The following GLI3 variants were observed in gnomAD, a reference collection of about 807,000 sequenced individuals.
GLI3 encodes the protein transcription activator GLI3.
A neutral mutation model predicts 100.8 loss-of-function variants in GLI3; 20 were observed. The ratio of observed to expected loss-of-function variants is 0.20; its 90% CI spans 0.14 to 0.29. GLI3 has a LOEUF of 0.29. Ranked by LOEUF, GLI3 falls within the 10% of genes least tolerant of loss-of-function variation. The pLI, the probability that GLI3 is intolerant of heterozygous loss-of-function variation, is 1.00. For missense variants in GLI3, 2,040 were observed against 2,128.5 expected (o/e 0.96, Z 0.82); for synonymous variants, 938 against 860.5 (o/e 1.09, Z -1.58).
At chr7:42,215,336 T>C (rs1788355196) in intron 2 of GLI3, among the ~76,000 whole-genome samples, 2 of 152,228 alleles carry the variant, frequency 1.3e-5, no homozygotes, top group East Asian at 3.8e-4. Context: ...AACGTTTCTA[T>C]GTAAACAAGG....
intron 10 of GLI3, among the ~76,000 whole-genome samples, chr7:42,015,471 T>TA (rs962191862): frequency 4.6e-5 from 7 of 151,228 alleles, no homozygotes; most frequent in African/African-American, 9.7e-5. Flanking sequence ...CCCCAAATCT[T>TA]AAAAAAAAAG....
intron 3 of GLI3, among the ~76,000 whole-genome samples, chr7:42,122,178 T>A (rs942718300): frequency 1.4e-5 from 2 of 147,902 alleles, no homozygotes; most frequent in Non-Finnish European, 3.0e-5. Flanking sequence ...TCAGATAGCA[T>A]GCTTATATAT....
At position 41,965,318 on chromosome 7, in the gene GLI3, G is replaced by A. The variant is rs777315739; in HGVS notation, c.3755C>T (p.Pro1252Leu). The A allele has an allele frequency of 1.2e-6, 2 of 1,613,904 alleles. No individual in the cohort carries two copies. Among genetic ancestry groups the A allele is most frequent in the Non-Finnish European group, 1.7e-6 (2 of 1,179,922 alleles). Reference protein sequence around the residue: ...NAFHEQPCKAPQYGNCLNRQP... With the variant: ...NAFHEQPCKALQYGNCLNRQP... Reference sequence around the variant, plus strand: ...CCTGTTGAGACAGTTCCCATACTGCGGGGCCTTACAGGGCTGTTCATGGAA... The same window carrying A: ...CCTGTTGAGACAGTTCCCATACTGCAGGGCCTTACAGGGCTGTTCATGGAA... The change falls in exon 15 of 15, where the codon CCG becomes CTG. Residue 1252 changes from proline (P) to leucine (L), a missense_variant. Pro to Leu is a moderately conservative substitution (Grantham distance 98). Around this residue, in one of 5 missense-constraint regions of GLI3, gnomAD observed 1,041 missense variants for 924.0 expected, o/e 1.13. Transcript: ENST00000395925.
intron 2 of GLI3, among the ~76,000 whole-genome samples, chr7:42,174,743 C>T (rs750101572): frequency 5.9e-5 from 9 of 152,190 alleles, no homozygotes; most frequent in African/African-American, 7.2e-5. Flanking sequence ...CCCCCAGGGC[C>T]GCACAGAGGG....
chr7:42,122,829 A>G (rs964691113), intron 3 of GLI3, among the ~76,000 whole-genome samples: 19 of 152,236 alleles, frequency 1.2e-4, no homozygotes, highest in African/African-American at 4.6e-4. Flanking sequence ...TAGCTTTCTG[A>G]TAATCAGATT....
At chr7:42,117,327 T>C (rs1043535504) in intron 3 of GLI3, among the ~76,000 whole-genome samples, 16 of 152,226 alleles carry the variant, frequency 1.1e-4, no homozygotes, top group African/African-American at 3.6e-4. Context: ...ACCACCTAGG[T>C]GCACCCTTAT....
At chr7:42,028,363 A>C (rs1265500512) in intron 7 of GLI3, among the ~76,000 whole-genome samples, 4 of 152,324 alleles carry the variant, frequency 2.6e-5, no homozygotes, top group African/African-American at 9.6e-5. Context: ...GGGCTTAAAA[A>C]ATCAGTACTT....
intron 3 of GLI3, among the ~76,000 whole-genome samples, chr7:42,088,214 T>G (rs1785144785): frequency 6.6e-6 from 1 of 152,226 alleles, no homozygotes; most frequent in African/African-American, 2.4e-5. Context: ...AATGGTATCA[T>G]CTGAAGGAGT....
At chr7:41,984,398 C>T (rs1293912820) in intron 10 of GLI3, among the ~76,000 whole-genome samples, 2 of 152,176 alleles carry the variant, frequency 1.3e-5, no homozygotes, top group African/African-American at 4.8e-5. Context: ...TTCTGCTTTC[C>T]TTCAGTCTCC....
At chr7:41,982,471 A>C (rs950408353) in intron 10 of GLI3, among the ~76,000 whole-genome samples, 3 of 152,060 alleles carry the variant, frequency 2.0e-5, no homozygotes, top group Non-Finnish European at 2.9e-5. Flanking sequence ...TAATCCCCAT[A>C]TTTTGGGAGG....
At chr7:42,096,550 C>T (rs576741459) in intron 3 of GLI3, among the ~76,000 whole-genome samples, 9 of 152,304 alleles carry the variant, frequency 5.9e-5, no homozygotes, top group Admixed American at 4.6e-4. Flanking sequence ...GCCTGAAGGA[C>T]GCATTCAAAG....
intron 2 of GLI3, among the ~76,000 whole-genome samples, chr7:42,159,684 T>C (rs1008060385): frequency 6.6e-6 from 1 of 152,116 alleles, no homozygotes; most frequent in African/African-American, 2.4e-5. Context: ...GCAATAAAAA[T>C]ACAGCAGTGC....
At chr7:42,061,270 G>A (rs894265019) in intron 4 of GLI3, among the ~76,000 whole-genome samples, 4 of 152,138 alleles carry the variant, frequency 2.6e-5, no homozygotes, top group Admixed American at 6.5e-5. Context: ...GCTACCTCAA[G>A]AATCAGAATG....
At chr7:42,194,322 A>G (rs948634217) in intron 2 of GLI3, among the ~76,000 whole-genome samples, 2 of 152,226 alleles carry the variant, frequency 1.3e-5, no homozygotes, top group Non-Finnish European at 2.9e-5. Flanking sequence ...TTTAATGTGT[A>G]TAGTCTAGGA....
At chr7:42,249,627 G>A (rs1035380402) in intron 1 of GLI3, among the ~76,000 whole-genome samples, 66 of 152,154 alleles carry the variant, frequency 4.3e-4, no homozygotes, top group Non-Finnish European at 1.5e-4. Context: ...TTCATAGGGT[G>A]CTTGTGAGAC....
chr7:42,061,146 T>C (rs1784560182), intron 4 of GLI3, among the ~76,000 whole-genome samples: 1 of 152,148 alleles, frequency 6.6e-6, no homozygotes, highest in African/African-American at 2.4e-5. Context: ...AACAGGAAGT[T>C]GGGTTCCAAC....
At chr7:42,017,102 T>C (rs1562687040) in intron 10 of GLI3, among the ~76,000 whole-genome samples, 1 of 152,244 alleles carries the variant, frequency 6.6e-6, no homozygotes, top group Non-Finnish European at 1.5e-5. Context: ...TAATGTTGGC[T>C]TGTACTTTTC....
Position 41,998,248 on chromosome 7 carries a change from A to T in GLI3, c.1498-19500T>A, listed in dbSNP as rs75433557. ...TAATCAATATATGGCACCTCTTCTA[A>T]GGTATTCACACCACAGGCTCAAATT... On this transcript the variant is annotated intron_variant, in intron 10 of 14. Transcript: ENST00000395925. 1.3e-3 allele frequency among the ~76,000 whole-genome samples: 199 copies of T among 152,266 alleles called. 6 individuals carry two copies. In the East Asian group the frequency reaches 0.031, roughly 23 times the overall value.
At chr7:42,152,807 C>T (rs1786905045) in intron 2 of GLI3, among the ~76,000 whole-genome samples, 2 of 152,306 alleles carry the variant, frequency 1.3e-5, no homozygotes, top group Admixed American at 1.3e-4. Flanking sequence ...GACTTAAGAA[C>T]AGGCTCCACT....
Sources: gnomAD v4.1 joint callset for allele counts (sites outside exome capture counted in the v4.1 genomes callset) on GRCh38, gnomAD v4.1.1 for gene constraint, gnomAD v4.1.1 regional missense constraint, MANE v1.5 for transcripts, NCBI Gene and HGNC (gene_info 2026-07-23, HGNC 2026-07-21) for gene names.